Variants in C2orf68 observed in about 807,000 individuals in gnomAD.
The protein encoded by C2orf68 is chromosome 2 open reading frame 68, also known as UPF0561 protein C2orf68.
Under a neutral mutation model 19.1 loss-of-function variants are expected in C2orf68, and 15 were observed. That is an observed-to-expected ratio of 0.79 (90% CI 0.53 to 1.21). The LOEUF is 1.21. C2orf68 is among the 50% of genes most tolerant of loss of function. The pLI is 0.00. For synonymous variants in C2orf68, 98 were observed against 91.0 expected (o/e 1.08, Z -0.44); for missense variants, 242 against 226.6 (o/e 1.07, Z -0.44).
chr2:85,609,929 C>T (rs1471314284), intron 2 of C2orf68, among the ~76,000 whole-genome samples: 1 of 152,060 alleles, frequency 6.6e-6, no homozygotes, highest in Non-Finnish European at 1.5e-5. Context: ...GATCCACCCA[C>T]CTTGGCCTCC....
At position 85,611,671 on chromosome 2, in the gene C2orf68, G is replaced by T; in HGVS notation, c.223C>A (p.Arg75=). 6.4e-7 allele frequency: 1 copy of T among 1,561,244 alleles called. No homozygotes were observed. Among genetic ancestry groups the T allele is most frequent in the African/African-American group, 1.4e-5 (1 of 73,912 alleles). The change falls in exon 2 of 4, where the codon CGA becomes AGA. Residue 75 remains arginine, a synonymous_variant. Coordinates refer to ENST00000306336, the MANE Select transcript of C2orf68 (RefSeq NM_001013649.4). ...CAGGCGGGGCGGGCGGCCTCACCTC[G>T]GTGTCGCGGCAGGTACACCTGCAGG... is the stretch of plus-strand genomic sequence containing the variant. ...PDLQVYLPRH[R]DVSAHPRNPD...
At chr2:85,611,465 A>G in intron 2 of C2orf68, 1 of 1,547,180 alleles carries the variant, frequency 6.5e-7, no homozygotes, top group Non-Finnish European at 8.7e-7. Context: ...TCTGACAGCG[A>G]TGCTTAACTG....
chr2:85,611,768 C>G lies in C2orf68; in HGVS notation c.126G>C (p.Lys42Asn), dbSNP rs1034853507. The part of the protein sequence containing the change: ...NQIARDDYDK[K>N]VKQAAKEKVR... ...CCTTCTCCTTGGCCGCCTGCTTCACCTTCTTGTCATAGTCGTCCCTGCGGG... is the reference window on the plus strand; with the variant it reads ...CCTTCTCCTTGGCCGCCTGCTTCACGTTCTTGTCATAGTCGTCCCTGCGGG... Residue 42 changes from lysine (K) to asparagine (N), a missense_variant, in exon 2 of 4, where the codon AAG (lysine) becomes AAC (asparagine). Physicochemically the swap from Lys to Asn is moderately conservative, Grantham distance 94 (BLOSUM62 0). Transcript: ENST00000306336. 8 of 1,612,330 alleles carry G rather than the reference C, an allele frequency of 5.0e-6. No individual in the cohort carries two copies. Among genetic ancestry groups the G allele is most frequent in the Non-Finnish European group, 6.8e-6 (8 of 1,179,568 alleles).
At chr2:85,611,401 A>G in intron 2 of C2orf68, 1 of 1,490,510 alleles carries the variant, frequency 6.7e-7, no homozygotes, top group Admixed American at 2.4e-5. Context: ...CCTTACTAAA[A>G]TACAGCACGG....
Position 85,608,819 on chromosome 2 carries a change from TGGATG to T in C2orf68, c.*121_*125del. The T allele has an allele frequency of 1.5e-6, 2 of 1,315,538 alleles. No individual in the cohort carries two copies. Among genetic ancestry groups the T allele is most frequent in the Admixed American group, 2.0e-5 (1 of 50,556 alleles). The allele number at this position is 1,315,538 out of a possible 1,614,324, so 81.5% of individuals were successfully genotyped here. A position where few individuals can be genotyped will look rare whatever the true frequency, so the allele number is the denominator to read the frequency against. ...CCAGGTGTAGTCCTGCAACACCCTA[TGGATG>T]CAGCAGCTCTGGGGGTCTCAAGATC... On this transcript the variant is annotated 3_prime_UTR_variant, in exon 4 of 4. Transcript: ENST00000306336.
chr2:85,611,485 G>A (rs1673521579), intron 2 of C2orf68, 183 bp downstream of exon 2: 3 of 1,550,068 alleles, frequency 1.9e-6, no homozygotes, highest in South Asian at 1.2e-5. Flanking sequence ...GGGGGCTTAT[G>A]AGTCGTCCCA....
At position 85,612,038 on chromosome 2, in the gene C2orf68, C is replaced by T; in HGVS notation, c.-54G>A. 1 of 1,307,058 alleles carries T rather than the reference C, an allele frequency of 7.7e-7. No individual in the cohort carries two copies. Among genetic ancestry groups the T allele is most frequent in the Non-Finnish European group, 1.0e-6 (1 of 980,562 alleles). 81.0% of individuals were successfully genotyped at this position (1,307,058 alleles called of 1,614,324 possible). On this transcript the variant is annotated 5_prime_UTR_variant, in exon 1 of 4. In the 5' UTR this introduces an upstream ATG that the reference lacks. Coordinates refer to ENST00000306336, the MANE Select transcript of C2orf68 (RefSeq NM_001013649.4). Reference sequence around the variant, plus strand: ...GCCTCGACGGCCCCAACAACAGCCACCCGCCCACAGAGCTCCGCGCCGCCC... The same window carrying T: ...GCCTCGACGGCCCCAACAACAGCCATCCGCCCACAGAGCTCCGCGCCGCCC...
rs1429749368 is a variant in C2orf68, at chr2:85,605,518, C to G, written c.*3427G>C. 2.0e-5 allele frequency among the ~76,000 whole-genome samples: 3 copies of G among 152,320 alleles called. No individual in the cohort carries two copies. Among genetic ancestry groups the G allele is most frequent in the African/African-American group, 7.2e-5 (3 of 41,578 alleles). ...TCCTAGGGAAATTTCGGGTGGGTGC[C>G]TATGGCTGTATGACCATCTGATTCC... On this transcript the variant is annotated 3_prime_UTR_variant, in exon 4 of 4. Coordinates refer to ENST00000306336, the MANE Select transcript of C2orf68 (RefSeq NM_001013649.4).
chr2:85,611,328 C>T, intron 2 of C2orf68: 1 of 1,428,744 alleles, frequency 7.0e-7, no homozygotes, highest in Non-Finnish European at 9.1e-7. Flanking sequence ...TGGGTTCATT[C>T]CGCAATTATG....
chr2:85,611,182 T>G, intron 2 of C2orf68: 1 of 1,043,740 alleles, frequency 9.6e-7, no homozygotes, highest in Non-Finnish European at 1.2e-6. Flanking sequence ...CACTCCAGCC[T>G]GGGCGACAGA....
At position 85,608,821 on chromosome 2, in the gene C2orf68, G is replaced by A. The variant is rs751393826; in HGVS notation, c.*124C>T. The A allele has an allele frequency of 2.4e-4, 326 of 1,349,406 alleles. No individual in the cohort carries two copies. The highest frequency in any genetic ancestry group is 4.0e-4 in the East Asian group (17 of 42,258). The allele number at this position is 1,349,406 out of a possible 1,614,324, so 83.6% of individuals were successfully genotyped here. ...AGGTGTAGTCCTGCAACACCCTATG[G>A]ATGCAGCAGCTCTGGGGGTCTCAAG... On this transcript the variant is annotated 3_prime_UTR_variant, in exon 4 of 4. Transcript: ENST00000306336.
At position 85,607,747 on chromosome 2, in the gene C2orf68, A is replaced by C. The variant is rs1448478081; in HGVS notation, c.*1198T>G. The C allele has an allele frequency of 1.3e-5, 2 of 152,238 alleles. No individual in the cohort carries two copies. The highest frequency in any genetic ancestry group is 2.9e-5 in the Non-Finnish European group (2 of 68,042). The allele number at this position is 152,238 out of a possible 1,614,324, so 9.4% of individuals were successfully genotyped here. On this transcript the variant is annotated 3_prime_UTR_variant, in exon 4 of 4. Coordinates refer to ENST00000306336, the MANE Select transcript of C2orf68 (RefSeq NM_001013649.4). ...TCTCAGTTCTCAAAGGCTTAAAGCC[A>C]TATTTCAAGGCACTGAGGTTAGGCT... is the stretch of plus-strand genomic sequence containing the variant.
At chr2:85,611,808 T>A (rs1421371722) in intron 1 of C2orf68, 22 bp from the exon 2 acceptor site, 1 of 1,608,718 alleles carries the variant, frequency 6.2e-7, no homozygotes, top group East Asian at 2.2e-5. Context: ...CGAGCGGGAG[T>A]CAGGGACTGT....
At position 85,606,729 on chromosome 2, in the gene C2orf68, C is replaced by T. The variant is rs372863190; in HGVS notation, c.*2216G>A. 6.6e-6 allele frequency: 1 copy of T among 151,646 alleles called. No individual in the cohort carries two copies. The highest frequency in any genetic ancestry group is 1.5e-5 in the Non-Finnish European group (1 of 67,964). The allele number at this position is 151,646 out of a possible 1,614,324, so 9.4% of individuals were successfully genotyped here. A position where few individuals can be genotyped will look rare whatever the true frequency, so the allele number is the denominator to read the frequency against. ...TTTGTGAGGATTACCACAACAAACA[C>T]TTAAAAGGATACAACAGGTACTTAT... On this transcript the variant is annotated 3_prime_UTR_variant, in exon 4 of 4. Transcript: ENST00000306336.
chr2:85,610,565 C>T (rs542192869), intron 2 of C2orf68: 7 of 152,238 alleles, frequency 4.6e-5, no homozygotes, highest in African/African-American at 1.7e-4. Context: ...CAGACAGAAG[C>T]TTTCTTATGA....
chr2:85,611,825 G>A (rs967651714), intron 1 of C2orf68, 39 bp from the exon 2 acceptor site: 14 of 1,607,028 alleles, frequency 8.7e-6, no homozygotes, highest in South Asian at 2.2e-5. Context: ...CTGTCGGGCC[G>A]GGCCAGGCCA....
At position 85,609,569 on chromosome 2, in the gene C2orf68, G is replaced by A. The variant is rs369096715; in HGVS notation, c.244C>T (p.Arg82Cys). The A allele has an allele frequency of 3.7e-5, 59 of 1,614,092 alleles. No individual in the cohort carries two copies. In the Middle Eastern group the frequency reaches 6.6e-4, roughly 18 times the overall value. ...CCGGACTCTTCATAGTCTGGGTTGC[G>A]TGGGTGGGCAGAGACATCTGGAAGG... is the stretch of plus-strand genomic sequence containing the variant. ...PRHRDVSAHP[R>C]NPDYEESGES... is the part of the protein sequence containing the mutation. Residue 82 changes from arginine (R) to cysteine (C), a missense_variant, in exon 3 of 4, where the codon CGC becomes TGC. Physicochemically the swap from Arg to Cys is radical, Grantham distance 180. Transcript: ENST00000306336.
In C2orf68 at chr2:85,611,864, G is replaced by A. The variant is rs1308509434; in HGVS notation, c.107+14C>T. ...CAGGAGTGGTGGCGGCGGCGGCGCA[G>A]GGCGGGGCGGTACCGAGCGATCTGG... On this transcript the variant is annotated intron_variant, in intron 1 of 3. Coordinates refer to ENST00000306336, the MANE Select transcript of C2orf68 (RefSeq NM_001013649.4). 6.3e-7 allele frequency: 1 copy of A among 1,598,160 alleles called. No homozygotes were observed. Among genetic ancestry groups the A allele is most frequent in the Non-Finnish European group, 8.5e-7 (1 of 1,177,338 alleles).
chr2:85,611,344 G>T, intron 2 of C2orf68: 1 of 1,439,032 alleles, frequency 6.9e-7, no homozygotes, highest in Non-Finnish European at 9.1e-7. Context: ...TTATGTGCTG[G>T]TCGCTCATCG....
Sources: allele counts gnomAD v4.1 joint callset (sites outside exome capture counted in the v4.1 genomes callset), GRCh38; gene constraint gnomAD v4.1.1; transcripts MANE v1.5; gene names NCBI Gene and HGNC (gene_info 2026-07-23, HGNC 2026-07-21).